Variants in SCYL2 observed in about 807,000 individuals in gnomAD.
SCYL2 encodes the protein SCY1 like pseudokinase 2.
SCYL2 carries 36 observed loss-of-function variants against 100.4 expected under a neutral mutation model. The observed-to-expected ratio is 0.36, with a 90% CI of 0.27 to 0.47. The LOEUF (loss-of-function observed/expected upper bound fraction) is 0.47. SCYL2 is among the 20% of genes least tolerant of loss of function. SCYL2 has a pLI of 1.00. For synonymous variants in SCYL2, 330 were observed against 359.2 expected (o/e 0.92, Z 0.92); for missense variants, 902 against 1,083.9 (o/e 0.83, Z 2.36).
chr12:100,309,828 T>C (rs1484385127), intron 4 of SCYL2, among the ~76,000 whole-genome samples: 1 of 152,172 alleles, frequency 6.6e-6, no homozygotes, highest in African/African-American at 2.4e-5. Flanking sequence ...ACTGATTCTA[T>C]TTTTGGGGGG....
chr12:100,281,019 G>GTTTT lies in SCYL2; in HGVS notation c.-28-1898_-28-1895dup, dbSNP rs202048587. On this transcript the variant is annotated intron_variant, in intron 1 of 17. Transcript: ENST00000360820. ...ATTTTATTGTCCCTTTACCATCAGT[G>GTTTT]TTTTTTTTTTTTTTTTTTTTTTTTT... Among the ~76,000 whole-genome samples, 54 of 50,480 alleles carry GTTTT rather than the reference G, an allele frequency of 1.1e-3. 8 individuals are homozygous for GTTTT. Among genetic ancestry groups the GTTTT allele is most frequent in the Non-Finnish European group, 1.6e-3 (38 of 24,114 alleles). The allele number at this position is 50,480 out of a possible 152,430, so 33.1% of individuals were successfully genotyped here. A position where few individuals can be genotyped will look rare whatever the true frequency, so the allele number is the denominator to read the frequency against.
intron 1 of SCYL2, among the ~76,000 whole-genome samples, chr12:100,271,281 A>AAAAAAAAG (rs869276181): frequency 5.0e-4 from 64 of 128,910 alleles, no homozygotes; most frequent in African/African-American, 6.9e-4. Flanking sequence ...AAAAAAAAAA[A>AAAAAAAAG]AGAGAGAGAG....
At position 100,339,070 on chromosome 12, in the gene SCYL2, G is replaced by A; in HGVS notation, c.2688G>A (p.Met896Ile). 1.9e-6 allele frequency: 3 copies of A among 1,614,090 alleles called. No individual in the cohort carries two copies. Among genetic ancestry groups the A allele is most frequent in the Non-Finnish European group, 2.5e-6 (3 of 1,179,962 alleles). The change falls in exon 18 of 18, where the codon ATG becomes ATA. Residue 896 changes from methionine to isoleucine, a missense_variant. Coordinates refer to ENST00000360820, the MANE Select transcript of SCYL2 (RefSeq NM_017988.6). Reference sequence around the variant, plus strand: ...TGATAGGACAATCTGCTTTTGGTATGCAGGGTAATCCTTTCTTTAACCCAC... The same window carrying A: ...TGATAGGACAATCTGCTTTTGGTATACAGGGTAATCCTTTCTTTAACCCAC... Reference protein sequence around the residue: ...MNVIGQSAFGMQGNPFFNPQN... With the variant: ...MNVIGQSAFGIQGNPFFNPQN...
chr12:100,282,360 C>G (rs1268872871), intron 1 of SCYL2, among the ~76,000 whole-genome samples: 3 of 114,514 alleles, frequency 2.6e-5, no homozygotes, highest in Non-Finnish European at 5.4e-5. Context: ...CAGTCTCACT[C>G]TGTCACCAAG....
intron 2 of SCYL2, among the ~76,000 whole-genome samples, chr12:100,287,659 A>G (rs2096305884): frequency 6.6e-6 from 1 of 152,178 alleles, no homozygotes; most frequent in Non-Finnish European, 1.5e-5. Context: ...AAATAATAGG[A>G]TACCATATAT....
At chr12:100,334,035 G>A (rs550506219) in intron 13 of SCYL2, 131 bp from the exon 14 acceptor site, 92 of 579,072 alleles carry the variant, frequency 1.6e-4, no homozygotes, top group African/African-American at 1.6e-3. Context: ...TTGAATATCA[G>A]CGCTGTGACT....
At chr12:100,323,110 T>G (rs1022818661) in intron 10 of SCYL2, among the ~76,000 whole-genome samples, 2 of 152,140 alleles carry the variant, frequency 1.3e-5, no homozygotes, top group African/African-American at 4.8e-5. Context: ...TATGGATATA[T>G]GTAACAGCTA....
In SCYL2 at chr12:100,313,210, A is replaced by G. The variant is rs552234596; in HGVS notation, c.853-212A>G. On this transcript the variant is annotated intron_variant, in intron 6 of 17. Coordinates refer to ENST00000360820, the MANE Select transcript of SCYL2 (RefSeq NM_017988.6). Reference sequence around the variant, plus strand: ...CTTTAGTCATGGCATTTGAGTAAATATAAATACTGGAACATTTTACTGTAG... The same window carrying G: ...CTTTAGTCATGGCATTTGAGTAAATGTAAATACTGGAACATTTTACTGTAG... Among the ~76,000 whole-genome samples, 12 of 152,362 alleles carry G rather than the reference A, an allele frequency of 7.9e-5. No individual in the cohort carries two copies. The South Asian group carries it at 2.5e-3, about 32-fold the overall frequency.
chr12:100,312,594 C>T lies in SCYL2; in HGVS notation c.793C>T (p.Pro265Ser). The change falls in exon 6 of 18, where the codon CCT becomes TCT. Residue 265 changes from proline to serine, a missense_variant. Physicochemically the swap from Pro to Ser is moderately conservative, Grantham distance 74. Transcript: ENST00000360820. ...GTATGCTGTATTTAATAAAGGGAAA[C>T]CTATATTTGAAGTCAACAAGCAAGA... Reference protein sequence around the residue: ...VMYAVFNKGKPIFEVNKQDIY... With the variant: ...VMYAVFNKGKSIFEVNKQDIY... The T allele has an allele frequency of 8.1e-6, 13 of 1,612,900 alleles. No homozygotes were observed. Among genetic ancestry groups the T allele is most frequent in the African/African-American group, 1.3e-5 (1 of 74,984 alleles).
intron 1 of SCYL2, among the ~76,000 whole-genome samples, chr12:100,274,094 A>G (rs1409305934): frequency 6.6e-6 from 1 of 152,208 alleles, no homozygotes; most frequent in African/African-American, 2.4e-5. Flanking sequence ...GCATTAAATT[A>G]AAAAGGGAAA....
intron 4 of SCYL2, among the ~76,000 whole-genome samples, chr12:100,301,952 G>A (rs747328581): frequency 3.9e-5 from 6 of 152,154 alleles, no homozygotes; most frequent in South Asian, 4.1e-4. Flanking sequence ...TTCAGGGCCC[G>A]ATGGCTCTTT....
chr12:100,337,659 C>T (rs1406287847), intron 17 of SCYL2, among the ~76,000 whole-genome samples, 153 bp downstream of exon 17: 2 of 152,016 alleles, frequency 1.3e-5, no homozygotes, highest in African/African-American at 2.4e-5. Flanking sequence ...AATGATTTTC[C>T]AACTCAGCTA....
At chr12:100,283,308 A>C (rs1283797731) in intron 2 of SCYL2, among the ~76,000 whole-genome samples, 161 bp downstream of exon 2, 1 of 152,202 alleles carries the variant, frequency 6.6e-6, no homozygotes. Flanking sequence ...ACAAAAAAAC[A>C]AATGCTTTTA....
intron 3 of SCYL2, chr12:100,296,911 T>A (rs7963138): frequency 0.043 from 6,601 of 152,290 alleles, 165 homozygotes; most frequent in South Asian, 0.083. Context: ...CTGTTTTTAT[T>A]TCTTATATAT....
intron 4 of SCYL2, among the ~76,000 whole-genome samples, chr12:100,305,447 T>G (rs1161949201): frequency 3.9e-5 from 6 of 152,158 alleles, no homozygotes; most frequent in Admixed American, 3.9e-4. Flanking sequence ...ATAAGTTCTT[T>G]GAAACTAATG....
chr12:100,291,450 T>C (rs934997784), intron 2 of SCYL2, 53 bp from the exon 3 acceptor site: 21 of 1,214,364 alleles, frequency 1.7e-5, no homozygotes, highest in Non-Finnish European at 2.2e-5. Context: ...ATTCATATAA[T>C]TTTATTACTT....
chr12:100,334,401 C>A (rs1316620708), intron 14 of SCYL2, 135 bp downstream of exon 14: 5 of 647,800 alleles, frequency 7.7e-6, no homozygotes, highest in Non-Finnish European at 1.4e-5. Flanking sequence ...TCAAAATTTA[C>A]CATCATGTTA....
intron 4 of SCYL2, among the ~76,000 whole-genome samples, chr12:100,302,284 C>G (rs1396243899): frequency 6.6e-6 from 1 of 152,154 alleles, no homozygotes; most frequent in Non-Finnish European, 1.5e-5. Flanking sequence ...CTAGATCTCC[C>G]TAGGACACTT....
Position 100,275,504 on chromosome 12 carries a change from C to A in SCYL2, c.-28-7439C>A, listed in dbSNP as rs1192502142. ...AATTACTATGCCCAGCCTAGAAATA[C>A]AATCTTTTCAAATATGTTGTTCTTG... is the stretch of plus-strand genomic sequence containing the variant. On this transcript the variant is annotated intron_variant, in intron 1 of 17. Coordinates refer to ENST00000360820, the MANE Select transcript of SCYL2 (RefSeq NM_017988.6). Among the ~76,000 whole-genome samples, 4 of 152,298 alleles carry A rather than the reference C, an allele frequency of 2.6e-5. No individual in the cohort carries two copies. In the East Asian group the frequency reaches 7.7e-4, roughly 29 times the overall value.
Sources: allele counts gnomAD v4.1 joint callset (sites outside exome capture counted in the v4.1 genomes callset), GRCh38; gene constraint gnomAD v4.1.1; transcripts MANE v1.5; gene names NCBI Gene and HGNC (gene_info 2026-07-23, HGNC 2026-07-21).